The following PPP1R9A variants were observed in gnomAD, a reference collection of about 807,000 sequenced individuals.
The protein encoded by PPP1R9A is neurabin-1.
A neutral mutation model predicts 141.9 loss-of-function variants in PPP1R9A; 59 were observed. The ratio of observed to expected loss-of-function variants is 0.42; its 90% CI spans 0.34 to 0.52. The LOEUF is 0.52. Ranked by LOEUF, PPP1R9A falls within the 20% of genes least tolerant of loss-of-function variation. The pLI is 0.10. For missense variants in PPP1R9A, 1,444 were observed against 1,611.9 expected (o/e 0.90, Z 1.78); for synonymous variants, 500 against 569.7 (o/e 0.88, Z 1.74).
At chr7:94,993,785 T>C (rs1166410172) in intron 2 of PPP1R9A, among the ~76,000 whole-genome samples, 1 of 152,208 alleles carries the variant, frequency 6.6e-6, no homozygotes, top group Non-Finnish European at 1.5e-5. Context: ...TTGGAAATTT[T>C]GTCAGATTTT....
At chr7:95,008,810 C>G (rs1803987647) in intron 2 of PPP1R9A, among the ~76,000 whole-genome samples, 1 of 151,950 alleles carries the variant, frequency 6.6e-6, no homozygotes, top group Admixed American at 6.6e-5. Flanking sequence ...GGTATATACC[C>G]AAAGGATTAT....
chr7:95,124,067 G>A (rs547378945), intron 4 of PPP1R9A, among the ~76,000 whole-genome samples: 2 of 152,270 alleles, frequency 1.3e-5, no homozygotes, highest in Non-Finnish European at 2.9e-5. Flanking sequence ...ATGTGCATAT[G>A]TGTGTGGGTG....
intron 2 of PPP1R9A, among the ~76,000 whole-genome samples, chr7:95,040,393 T>C (rs760786981): frequency 2.0e-5 from 3 of 151,618 alleles, no homozygotes; most frequent in Non-Finnish European, 4.4e-5. Flanking sequence ...CCATGCATGA[T>C]GATGTTAAGG....
chr7:95,273,929 C>T lies in PPP1R9A; in HGVS notation c.3155C>T (p.Ala1052Val). The change falls in exon 15 of 20, where the codon GCA (alanine) becomes GTA (valine). Residue 1052 changes from alanine (A) to valine (V), a missense_variant. Physicochemically the swap from Ala to Val is moderately conservative, Grantham distance 64. Around this residue, in one of 5 missense-constraint regions of PPP1R9A, gnomAD observed 459 missense variants for 513.8 expected, o/e 0.89. Coordinates refer to ENST00000433360, the MANE Select transcript of PPP1R9A (RefSeq NM_001166160.2). ...DDAKDPKSLRASSSLAVQGGK... is the reference protein window; with the variant it reads ...DDAKDPKSLRVSSSLAVQGGK... ...GCCAAAGATCCCAAATCACTAAGGG[C>T]ATCCAGTTCATTGGCGGTGCAAGGA... The T allele has an allele frequency of 6.6e-7, 1 of 1,505,222 alleles. No homozygotes were observed. Among genetic ancestry groups the T allele is most frequent in the Non-Finnish European group, 9.1e-7 (1 of 1,095,324 alleles). 93.2% of individuals were successfully genotyped at this position (1,505,222 alleles called of 1,614,324 possible).
At position 95,269,389 on chromosome 7, in the gene PPP1R9A, G is replaced by A. The variant is rs780539639; in HGVS notation, c.3006G>A (p.Gly1002=). The change falls in exon 14 of 20, where the codon GGG becomes GGA. Residue 1002 remains glycine (G), a synonymous_variant. Transcript: ENST00000433360. ...FQEEPLDPEM[G]PLSSMWGDTS... ...AAGAACCACTGGACCCAGAAATGGG[G>A]CCTCTCTCCTCTATGTGGGGAGACA... 1.9e-6 allele frequency: 3 copies of A among 1,597,526 alleles called. No homozygotes were observed. Among genetic ancestry groups the A allele is most frequent in the Non-Finnish European group, 2.5e-6 (3 of 1,178,728 alleles).
At chr7:94,988,062 C>T (rs960516987) in intron 2 of PPP1R9A, among the ~76,000 whole-genome samples, 1 of 151,826 alleles carries the variant, frequency 6.6e-6, no homozygotes, top group African/African-American at 2.4e-5. Flanking sequence ...GGTTCATTAC[C>T]CTGGACACTT....
intron 8 of PPP1R9A, among the ~76,000 whole-genome samples, chr7:95,241,662 T>A (rs1434282325): frequency 1.3e-5 from 2 of 152,084 alleles, no homozygotes; most frequent in African/African-American, 4.8e-5. Flanking sequence ...TCACAGCAAT[T>A]GCAACAATTA....
chr7:95,070,648 A>G (rs1813690046), intron 2 of PPP1R9A, among the ~76,000 whole-genome samples: 1 of 118,560 alleles, frequency 8.4e-6, no homozygotes, highest in South Asian at 2.3e-4. Flanking sequence ...GTTTTTGCTT[A>G]TGAAGTAAGA....
At chr7:94,908,977 A>C (rs1298128518) in intron 1 of PPP1R9A, among the ~76,000 whole-genome samples, 1 of 152,110 alleles carries the variant, frequency 6.6e-6, no homozygotes, top group Non-Finnish European at 1.5e-5. Flanking sequence ...AAAATGAAAA[A>C]TCTTTAGAAC....
intron 16 of PPP1R9A, among the ~76,000 whole-genome samples, chr7:95,283,427 A>C (rs1194118771): frequency 6.6e-6 from 1 of 152,194 alleles, no homozygotes; most frequent in Non-Finnish European, 1.5e-5. Context: ...AGGAGGTGGT[A>C]AACCCTGGCC....
At chr7:95,052,898 C>A (rs901783721) in intron 2 of PPP1R9A, among the ~76,000 whole-genome samples, 1 of 152,196 alleles carries the variant, frequency 6.6e-6, no homozygotes, top group Non-Finnish European at 1.5e-5. Context: ...TACCTCTGCT[C>A]ATTTCTCTTG....
chr7:94,944,554 C>T (rs939078195), intron 2 of PPP1R9A, among the ~76,000 whole-genome samples: 1 of 150,644 alleles, frequency 6.6e-6, no homozygotes, highest in African/African-American at 2.4e-5. Context: ...GAGGGCACCT[C>T]GTTTCTTATA....
chr7:95,087,843 C>T (rs931028624), intron 2 of PPP1R9A, among the ~76,000 whole-genome samples: 2 of 150,184 alleles, frequency 1.3e-5, no homozygotes, highest in Non-Finnish European at 3.0e-5. Context: ...TGCAGTGAGC[C>T]GAGATCGTGC....
At chr7:94,935,849 C>T (rs547973929) in intron 2 of PPP1R9A, among the ~76,000 whole-genome samples, 3 of 152,158 alleles carry the variant, frequency 2.0e-5, no homozygotes, top group African/African-American at 7.2e-5. Flanking sequence ...CCAGAGATTG[C>T]GGATTTTAAA....
chr7:94,922,126 T>C (rs901445166), intron 2 of PPP1R9A, among the ~76,000 whole-genome samples: 3 of 149,530 alleles, frequency 2.0e-5, no homozygotes, highest in Non-Finnish European at 3.0e-5. Flanking sequence ...TATTAAATTA[T>C]ATTTAAATTA....
chr7:95,046,437 T>C (rs1810025730), intron 2 of PPP1R9A, among the ~76,000 whole-genome samples: 1 of 152,208 alleles, frequency 6.6e-6, no homozygotes, highest in East Asian at 1.9e-4. Flanking sequence ...ATATTGTATT[T>C]TCTAAAAGCA....
At chr7:95,086,579 G>T (rs1317180950) in intron 2 of PPP1R9A, among the ~76,000 whole-genome samples, 1 of 152,020 alleles carries the variant, frequency 6.6e-6, no homozygotes, top group East Asian at 1.9e-4. Flanking sequence ...AGGGGACTTT[G>T]TAGTCAGTTC....
intron 2 of PPP1R9A, among the ~76,000 whole-genome samples, chr7:94,969,493 T>A (rs1228874580): frequency 6.6e-6 from 1 of 152,096 alleles, no homozygotes; most frequent in Non-Finnish European, 1.5e-5. Context: ...ACAGCAAAGA[T>A]TGCTGCCTGT....
At position 94,938,930 on chromosome 7, in the gene PPP1R9A, C is replaced by G. The variant is rs17166543; in HGVS notation, c.1395+27422C>G. On this transcript the variant is annotated intron_variant, in intron 2 of 19. Coordinates refer to ENST00000433360, the MANE Select transcript of PPP1R9A (RefSeq NM_001166160.2). Reference sequence around the variant, plus strand: ...GTATCGTGATGTGGATACGCTATTCCTGTGTTTTTAAAGGGAGAGATAAAT... The same window carrying G: ...GTATCGTGATGTGGATACGCTATTCGTGTGTTTTTAAAGGGAGAGATAAAT... Among the ~76,000 whole-genome samples, 563 of 152,250 alleles carry G rather than the reference C, an allele frequency of 3.7e-3. 21 individuals are homozygous for G. Among genetic ancestry groups the G allele is most frequent in the East Asian group, 0.032 (165 of 5,174 alleles).
Sources: allele counts gnomAD v4.1 joint callset (sites outside exome capture counted in the v4.1 genomes callset), GRCh38; gene constraint gnomAD v4.1.1; regional missense constraint gnomAD v4.1.1; transcripts MANE v1.5; gene names NCBI Gene and HGNC (gene_info 2026-07-23, HGNC 2026-07-21).